The following GOLGA8B variants were observed in gnomAD, a reference collection of about 807,000 sequenced individuals.
The protein encoded by GOLGA8B is golgin A8 family member B.
GOLGA8B carries 1 observed loss-of-function variant against 15.6 expected under a neutral mutation model. The ratio of observed to expected loss-of-function variants is 0.06; its 90% CI spans 0.02 to 0.30. The LOEUF is 0.30. Ranked by LOEUF, GOLGA8B falls within the 10% of genes least tolerant of loss-of-function variation. The probability of loss-of-function intolerance (pLI) is 1.00; values close to 1 mark genes in which losing one functional copy is unlikely to be tolerated. For missense variants in GOLGA8B, 17 were observed against 201.3 expected (o/e 0.08, Z 5.54); for synonymous variants, 9 against 80.3 (o/e 0.11, Z 4.75).
intron 1 of GOLGA8B, among the ~76,000 whole-genome samples, chr15:34,576,092 C>T (rs1889072351): frequency 1.3e-5 from 2 of 152,254 alleles, no homozygotes; most frequent in South Asian, 4.1e-4. Flanking sequence ...TCCCGCACCC[C>T]TTTGTTTCCA....
At chr15:34,567,705 C>T (rs1180378920) in intron 1 of GOLGA8B, among the ~76,000 whole-genome samples, 28 of 151,858 alleles carry the variant, frequency 1.8e-4, no homozygotes, top group Non-Finnish European at 3.5e-4. Context: ...CAGGAAATGA[C>T]GCACACGGGC....
intron 1 of GOLGA8B, among the ~76,000 whole-genome samples, chr15:34,573,754 A>G (rs180783014): frequency 1.5e-3 from 223 of 152,094 alleles, no homozygotes; most frequent in African/African-American, 5.1e-3. Flanking sequence ...CTGCTCTGCA[A>G]AAGGAGGACA....
In GOLGA8B at chr15:34,525,837, T is replaced by C. The variant is rs1001487691; in HGVS notation, c.*1795A>G. 3.3e-4 allele frequency: 50 copies of C among 149,614 alleles called. 2 individuals are homozygous for C. Among genetic ancestry groups the C allele is most frequent in the East Asian group, 5.9e-4 (3 of 5,104 alleles). 9.3% of individuals were successfully genotyped at this position (149,614 alleles called of 1,614,324 possible). On this transcript the variant is annotated 3_prime_UTR_variant, in exon 24 of 24. Transcript: ENST00000683415. Reference sequence around the variant, plus strand: ...TATTGCTGCTCTCCTGTTAATCTCCTATTTATAAAAGGATCATGAGGCTGC... The same window carrying C: ...TATTGCTGCTCTCCTGTTAATCTCCCATTTATAAAAGGATCATGAGGCTGC...
intron 1 of GOLGA8B, among the ~76,000 whole-genome samples, chr15:34,573,370 G>A (rs1204779058): frequency 6.6e-6 from 1 of 151,790 alleles, no homozygotes; most frequent in African/African-American, 2.4e-5. Context: ...AATCTCGTCT[G>A]TACTAAAAAT....
rs866260343 is a variant in GOLGA8B at position 34,564,059 on chromosome 15, C to A, written c.-1122-10103G>T. Among the ~76,000 whole-genome samples, 726 of 136,402 alleles carry A rather than the reference C, an allele frequency of 5.3e-3. 3 individuals are homozygous for A. Among genetic ancestry groups the A allele is most frequent in the African/African-American group, 0.017 (660 of 38,054 alleles). 89.5% of individuals were successfully genotyped at this position (136,402 alleles called of 152,430 possible). On this transcript the variant is annotated intron_variant, in intron 1 of 23. Transcript: ENST00000683415. ...TTTCAACTGAAGGAGATTTTTGCCC[C>A]CCATGGGATGTCTGGAAATAATCTG...
At chr15:34,577,507 TA>T (rs1889114476) in intron 1 of GOLGA8B, among the ~76,000 whole-genome samples, 1 of 125,224 alleles carries the variant, frequency 8.0e-6, no homozygotes, top group Non-Finnish European at 1.7e-5. Flanking sequence ...TTATATATCA[TA>T]CACACACACA....
chr15:34,560,193 A>G (rs1458127663), intron 1 of GOLGA8B, among the ~76,000 whole-genome samples: 8 of 148,544 alleles, frequency 5.4e-5, no homozygotes, highest in African/African-American at 2.0e-4. Flanking sequence ...AAATAAACAG[A>G]TATCGTTAAA....
intron 1 of GOLGA8B, among the ~76,000 whole-genome samples, chr15:34,577,405 G>A (rs78338493): frequency 1.3e-5 from 2 of 151,452 alleles, no homozygotes; most frequent in African/African-American, 2.4e-5. Context: ...ATTAAATTAA[G>A]AACACATACA....
At chr15:34,573,273 T>C (rs1888970962) in intron 1 of GOLGA8B, among the ~76,000 whole-genome samples, 1 of 152,114 alleles carries the variant, frequency 6.6e-6, no homozygotes, top group African/African-American at 2.4e-5. Context: ...GCATGGTGGC[T>C]CACGCCTGTA....
chr15:34,578,940 C>G (rs186252937), intron 1 of GOLGA8B, among the ~76,000 whole-genome samples: 1 of 152,062 alleles, frequency 6.6e-6, no homozygotes, highest in Non-Finnish European at 1.5e-5. Flanking sequence ...CTCACTAGGC[C>G]GTAGCTGTAA....
intron 1 of GOLGA8B, among the ~76,000 whole-genome samples, chr15:34,571,960 T>C (rs1888926270): frequency 6.6e-6 from 1 of 151,262 alleles, no homozygotes; most frequent in Non-Finnish European, 1.5e-5. Flanking sequence ...CACCTAGAAA[T>C]CAACAAGGAA....
chr15:34,575,534 A>G (rs1889050674), intron 1 of GOLGA8B, among the ~76,000 whole-genome samples: 1 of 151,854 alleles, frequency 6.6e-6, no homozygotes, highest in African/African-American at 2.4e-5. Context: ...ATGGTCAGGA[A>G]CTGCCCCCCA....
At chr15:34,532,277 C>G (rs1255018232) in intron 11 of GOLGA8B, among the ~76,000 whole-genome samples, 8 of 54,734 alleles carry the variant, frequency 1.5e-4, no homozygotes, top group Admixed American at 6.7e-4. Flanking sequence ...CCCCCTTCTG[C>G]CAGCTTGTGA....
chr15:34,578,917 T>G (rs558075513), intron 1 of GOLGA8B, among the ~76,000 whole-genome samples: 2 of 152,178 alleles, frequency 1.3e-5, no homozygotes, highest in South Asian at 4.2e-4. Context: ...ATGACAGGCC[T>G]CCTCTGCATT....
chr15:34,577,776 G>A (rs1023184464), intron 1 of GOLGA8B, among the ~76,000 whole-genome samples: 14 of 152,162 alleles, frequency 9.2e-5, no homozygotes, highest in South Asian at 4.1e-4. Flanking sequence ...GTTAAAATAT[G>A]CTATAAAAGA....
At chr15:34,578,194 A>G (rs1363688952) in intron 1 of GOLGA8B, among the ~76,000 whole-genome samples, 2 of 152,228 alleles carry the variant, frequency 1.3e-5, no homozygotes, top group African/African-American at 2.4e-5. Flanking sequence ...TCTAGGGACA[A>G]GAAGTGCTAA....
intron 1 of GOLGA8B, among the ~76,000 whole-genome samples, chr15:34,576,619 G>C (rs1889088585): frequency 6.6e-6 from 1 of 152,182 alleles, no homozygotes; most frequent in African/African-American, 2.4e-5. Context: ...CTTCTAGTAG[G>C]AGCTGTGGGT....
At chr15:34,566,779 G>T (rs1165782438) in intron 1 of GOLGA8B, among the ~76,000 whole-genome samples, 1 of 131,040 alleles carries the variant, frequency 7.6e-6, no homozygotes, top group East Asian at 2.0e-4. Context: ...CTGCAAATGC[G>T]TAAGAGGATA....
At chr15:34,563,574 T>C (rs1255667828) in intron 1 of GOLGA8B, among the ~76,000 whole-genome samples, 1 of 150,424 alleles carries the variant, frequency 6.6e-6, no homozygotes, top group African/African-American at 2.5e-5. Context: ...TTTTTGGTAA[T>C]TGTGTGTGTT....
Sources: gnomAD v4.1 joint callset for allele counts (sites outside exome capture counted in the v4.1 genomes callset) on GRCh38, gnomAD v4.1.1 for gene constraint, MANE v1.5 for transcripts, NCBI Gene and HGNC (gene_info 2026-07-23, HGNC 2026-07-21) for gene names.